The following GET1 variants were observed in gnomAD, a reference collection of about 807,000 sequenced individuals.
GET1 encodes congenital heart disease 5 protein.
GET1 carries 20 observed loss-of-function variants against 22.6 expected under a neutral mutation model. The observed-to-expected ratio is 0.89, with a 90% CI of 0.62 to 1.29. The LOEUF is 1.29. Among genes scored for constraint, GET1 ranks in the 50% most tolerant of loss-of-function variants. The pLI is 0.00. For synonymous variants in GET1, 92 were observed against 83.8 expected, an observed-to-expected ratio of 1.10 and a Z score of -0.53; for missense variants, 209 against 219.9, an observed-to-expected ratio of 0.95 and a Z score of 0.31.
chr21:39,409,392 T>C (rs2039684270), downstream of GET1, among the ~76,000 whole-genome samples: 1 of 151,922 alleles, frequency 6.6e-6, no homozygotes, highest in Non-Finnish European at 1.5e-5. The surrounding 1 kb of genome is among the most constrained non-coding windows in gnomAD (Gnocchi z 4.2). Context: ...TAGCTACATA[T>C]AAAGACAGGG....
chr21:39,417,612 AC>A (rs2041451300), intron 1 of GET1, among the ~76,000 whole-genome samples: 2 of 152,142 alleles, frequency 1.3e-5, no homozygotes, highest in Non-Finnish European at 2.9e-5. Context: ...TTTATAAGGG[AC>A]AGAGGTTTAA....
intron 1 of GET1, chr21:39,387,698 C>G (rs1389046279): frequency 3.8e-6 from 3 of 786,528 alleles, no homozygotes; most frequent in African/African-American, 1.9e-5. Context: ...CACTCCCCCC[C>G]CCCACTTTTG....
At chr21:39,392,866 T>C (rs2038398167) in intron 3 of GET1, 1 of 301,516 alleles carries the variant, frequency 3.3e-6, no homozygotes, top group Admixed American at 4.7e-5. Context: ...TATGTGTAGA[T>C]TGTGTTCATC....
Position 39,393,236 on chromosome 21 carries a change from T to TAACC in GET1, c.408_411dup (p.Pro138AsnfsTer12). The TAACC allele has an allele frequency of 6.2e-7, 1 of 1,614,226 alleles. No individual in the cohort carries two copies. Among genetic ancestry groups the TAACC allele is most frequent in the African/African-American group, 1.3e-5 (1 of 75,060 alleles). On this transcript the variant is annotated frameshift_variant, in exon 4 of 5. Transcript: ENST00000649170. LOFTEE classifies it high-confidence loss of function. ...GTGGCTGTCGTGCCGAGTAAATGGA[T>TAACC]AACCCCTCTAGACCGCCTGGTAGCC... is the stretch of plus-strand genomic sequence containing the variant.
rs554209151 is a variant in GET1 at position 39,415,534 on chromosome 21, C to G, written c.*23+4597C>G. Among the ~76,000 whole-genome samples the G allele has an allele frequency of 3.3e-5, 5 of 152,282 alleles. No homozygotes were observed. The East Asian group carries it at 9.7e-4, about 29-fold the overall frequency. On this transcript the variant is annotated intron_variant, in intron 1 of 1. Coordinates refer to the GET1 transcript ENST00000478273. Reference sequence around the variant, plus strand: ...GACCTCTAATAACTTATTTCAGTATCTGTAGCAAACAAGGGTATCCCTTTT... The same window carrying G: ...GACCTCTAATAACTTATTTCAGTATGTGTAGCAAACAAGGGTATCCCTTTT...
chr21:39,412,395 T>G (rs1291784099), intron 1 of GET1, among the ~76,000 whole-genome samples: 3 of 152,188 alleles, frequency 2.0e-5, no homozygotes, highest in Non-Finnish European at 4.4e-5. Context: ...AAAACAGACA[T>G]TTTGAAACCT....
At position 39,419,815 on chromosome 21, in the gene GET1, G is replaced by C. The variant is rs761344475; in HGVS notation, c.*24-8417G>C. Among the ~76,000 whole-genome samples, 56 of 152,102 alleles carry C rather than the reference G, an allele frequency of 3.7e-4. 1 individual carries two copies. The highest frequency in any genetic ancestry group is 1.3e-4 in the Admixed American group (2 of 15,266). ...AGGCTTGAAACAGCGTATTTCTTAA[G>C]CATCTTATCTAAATTGTTGGACATT... On this transcript the variant is annotated intron_variant, in intron 1 of 1. Transcript: ENST00000478273.
chr21:39,384,238 T>TTTG (rs922829805), intron 1 of GET1, among the ~76,000 whole-genome samples: 4 of 151,732 alleles, frequency 2.6e-5, no homozygotes, highest in Admixed American at 6.6e-5. Context: ...TTGAGTTCCT[T>TTTG]TTGTTGTTGT....
intron 1 of GET1, among the ~76,000 whole-genome samples, chr21:39,420,514 T>C (rs1478808669): frequency 2.7e-5 from 2 of 75,426 alleles, no homozygotes; most frequent in Non-Finnish European, 4.7e-5. Flanking sequence ...CAGAGCAAGA[T>C]TCTATCTCAA....
chr21:39,399,725 C>T (rs1053897626), downstream of GET1, among the ~76,000 whole-genome samples: 3 of 152,104 alleles, frequency 2.0e-5, no homozygotes, highest in African/African-American at 7.2e-5. Context: ...AGACCTGAGC[C>T]ACCACGCCCA....
chr21:39,423,496 T>C, intron 1 of GET1: 1 of 1,538,710 alleles, frequency 6.5e-7, no homozygotes, highest in Non-Finnish European at 8.7e-7. Flanking sequence ...CTGGCCTGTG[T>C]AAGCAGAAAA....
chr21:39,416,934 A>C (rs2147417726), intron 1 of GET1, among the ~76,000 whole-genome samples: 1 of 152,350 alleles, frequency 6.6e-6, no homozygotes, highest in South Asian at 2.1e-4. Context: ...GGATACAGTC[A>C]GCGTTCCCTG....
chr21:39,404,538 A>G (rs2038940914), intron 4 of GET1, among the ~76,000 whole-genome samples: 1 of 152,134 alleles, frequency 6.6e-6, no homozygotes, highest in South Asian at 2.1e-4. Flanking sequence ...TGAGGTCAGG[A>G]GTTCAAGACC....
intron 4 of GET1, among the ~76,000 whole-genome samples, chr21:39,393,850 A>ATG (rs1443381361): frequency 1.3e-5 from 2 of 151,952 alleles, no homozygotes; most frequent in Admixed American, 6.6e-5. Context: ...GCGTTTCACC[A>ATG]TGTTGGCCAG....
chr21:39,393,413 C>T (rs1391280449), intron 4 of GET1, 133 bp downstream of exon 4: 5 of 678,366 alleles, frequency 7.4e-6, no homozygotes, highest in African/African-American at 1.8e-5. Flanking sequence ...CTCAGCCTCA[C>T]ATGAGGCTTC....
chr21:39,387,744 G>C (rs887518197), intron 1 of GET1: 1 of 985,022 alleles, frequency 1.0e-6, no homozygotes, highest in Non-Finnish European at 1.2e-6. Context: ...GGCATCACTG[G>C]GCGGGTCAGA....
At chr21:39,406,675 G>T, downstream of GET1, 1 of 1,311,990 alleles carries the variant, frequency 7.6e-7, no homozygotes, top group Non-Finnish European at 1.1e-6. Context: ...TTTCAAGATG[G>T]CATGTCTAGT....
chr21:39,420,974 G>A, intron 1 of GET1: 1 of 606,722 alleles, frequency 1.6e-6, no homozygotes, highest in South Asian at 2.9e-5. Context: ...ACTTATACAG[G>A]GGACATATAT....
intron 3 of GET1, 135 bp from the exon 4 acceptor site, chr21:39,393,031 G>A: frequency 1.5e-6 from 1 of 647,950 alleles, no homozygotes; most frequent in South Asian, 2.0e-5. Flanking sequence ...TGTCTGTGGG[G>A]ACTGGGTTCC....
Sources: gnomAD v4.1 joint callset for allele counts (sites outside exome capture counted in the v4.1 genomes callset) on GRCh38, gnomAD v4.1.1 for gene constraint, Gnocchi (gnomAD v3.1) non-coding constraint, MANE v1.5 for transcripts, NCBI Gene and HGNC (gene_info 2026-07-23, HGNC 2026-07-21) for gene names.